THSD7B: variants seen among roughly 807,000 people sequenced by gnomAD.
THSD7B encodes thrombospondin type-1 domain-containing protein 7B.
THSD7B carries 138 observed loss-of-function variants against 213.6 expected under a neutral mutation model. That is an observed-to-expected ratio of 0.65 (90% CI 0.56 to 0.74). The LOEUF is 0.74. THSD7B is among the 30% of genes least tolerant of loss of function. The pLI, the probability that THSD7B is intolerant of heterozygous loss-of-function variation, is 0.00. For synonymous variants in THSD7B, 742 were observed against 687.0 expected (o/e 1.08, Z -1.25); for missense variants, 1,931 against 1,991.5 (o/e 0.97, Z 0.58).
chr2:137,152,262 C>A (rs116297258), intron 5 of THSD7B, among the ~76,000 whole-genome samples: 1,599 of 152,164 alleles, frequency 0.011, 16 homozygotes, highest in Non-Finnish European at 0.016. Flanking sequence ...TAAGGTTTAG[C>A]TTGTACTGGT....
At chr2:136,800,618 T>C (rs77629340) in intron 1 of THSD7B, among the ~76,000 whole-genome samples, 5,556 of 152,100 alleles carry the variant, frequency 0.037, 322 homozygotes, top group African/African-American at 0.12. Flanking sequence ...CCTACTAAAA[T>C]TGTTGTATTT....
At chr2:136,933,794 T>C (rs1684673045) in intron 2 of THSD7B, among the ~76,000 whole-genome samples, 1 of 152,206 alleles carries the variant, frequency 6.6e-6, no homozygotes, top group Non-Finnish European at 1.5e-5. Flanking sequence ...AATGCTTAAT[T>C]GTATTAATCT....
At chr2:137,146,691 T>G (rs1246430690) in intron 5 of THSD7B, among the ~76,000 whole-genome samples, 3 of 152,140 alleles carry the variant, frequency 2.0e-5, no homozygotes, top group African/African-American at 7.2e-5. Context: ...TAGTACTTAT[T>G]ATACATAAAG....
At chr2:137,646,997 T>G (rs1683045256) in intron 21 of THSD7B, among the ~76,000 whole-genome samples, 1 of 152,186 alleles carries the variant, frequency 6.6e-6, no homozygotes. Context: ...AGAAGCTTTA[T>G]GAGCAGCCAT....
chr2:137,261,795 A>G (rs1476866588), intron 10 of THSD7B, among the ~76,000 whole-genome samples: 1 of 152,068 alleles, frequency 6.6e-6, no homozygotes, highest in East Asian at 1.9e-4. Flanking sequence ...CCACCTCCAA[A>G]ACAAAAATTT....
chr2:137,558,356 T>G (rs1174776473), intron 15 of THSD7B, among the ~76,000 whole-genome samples: 4 of 152,148 alleles, frequency 2.6e-5, no homozygotes, highest in African/African-American at 9.7e-5. Flanking sequence ...ATCAAAAAGC[T>G]TATCCACCAT....
intron 15 of THSD7B, among the ~76,000 whole-genome samples, chr2:137,522,471 T>C (rs1429292503): frequency 6.6e-6 from 1 of 152,192 alleles, no homozygotes; most frequent in East Asian, 1.9e-4. Flanking sequence ...AAGGAGGTGC[T>C]TGATGAATGT....
At chr2:137,647,845 C>T (rs1683065647) in intron 21 of THSD7B, among the ~76,000 whole-genome samples, 1 of 152,136 alleles carries the variant, frequency 6.6e-6, no homozygotes, top group African/African-American at 2.4e-5. Context: ...TAACACACTA[C>T]CTCATGTTAG....
chr2:136,813,027 A>T (rs1347860910), intron 1 of THSD7B, among the ~76,000 whole-genome samples: 3 of 152,214 alleles, frequency 2.0e-5, no homozygotes, highest in African/African-American at 7.2e-5. Flanking sequence ...TCTTCCAACT[A>T]TTACTGAATC....
At chr2:137,347,115 C>G (rs1256102692) in intron 12 of THSD7B, among the ~76,000 whole-genome samples, 1 of 151,718 alleles carries the variant, frequency 6.6e-6, no homozygotes, top group Non-Finnish European at 1.5e-5. Context: ...AACATACTTA[C>G]ATCTGTCCTT....
At chr2:137,556,507 C>A (rs1176307011) in intron 15 of THSD7B, among the ~76,000 whole-genome samples, 1 of 152,138 alleles carries the variant, frequency 6.6e-6, no homozygotes, top group Admixed American at 6.5e-5. Flanking sequence ...GATTTTGTCA[C>A]CACCAGGCCT....
intron 10 of THSD7B, among the ~76,000 whole-genome samples, chr2:137,264,778 T>C (rs1233953570): frequency 6.6e-6 from 1 of 151,952 alleles, no homozygotes; most frequent in Non-Finnish European, 1.5e-5. Flanking sequence ...AACAGGTTTG[T>C]TGAGGGACGC....
intron 2 of THSD7B, among the ~76,000 whole-genome samples, chr2:136,977,362 T>C (rs530470795): frequency 6.6e-6 from 1 of 152,238 alleles, no homozygotes; most frequent in African/African-American, 2.4e-5. Context: ...CAGTCTATTC[T>C]TTTTTATTAG....
At chr2:137,410,667 G>A (rs978175201) in intron 13 of THSD7B, among the ~76,000 whole-genome samples, 2 of 152,046 alleles carry the variant, frequency 1.3e-5, no homozygotes, top group African/African-American at 4.8e-5. Context: ...CAAACCATGT[G>A]GCAATGAGAA....
chr2:137,061,211 A>G lies in THSD7B; in HGVS notation c.950+3981A>G, dbSNP rs1687263803. Among the ~76,000 whole-genome samples the G allele has an allele frequency of 2.0e-5, 3 of 151,736 alleles. 1 individual carries two copies. In the South Asian group the frequency reaches 6.2e-4, roughly 31 times the overall value. The stretch of plus-strand genomic sequence containing the variant: ...TAACCTTGCATCCTGCAACTTTGTT[A>G]TAGTCACTTATTATCCAGAGATTTT... On this transcript the variant is annotated intron_variant, in intron 3 of 27. Transcript: ENST00000409968.
chr2:137,170,613 C>A, intron 6 of THSD7B, 128 bp from the exon 7 acceptor site: 1 of 808,894 alleles, frequency 1.2e-6, no homozygotes, highest in Non-Finnish European at 1.9e-6. Context: ...GAATAAAACA[C>A]ATCAAGATAA....
At chr2:137,313,695 C>T (rs920722765) in intron 12 of THSD7B, among the ~76,000 whole-genome samples, 8 of 151,660 alleles carry the variant, frequency 5.3e-5, no homozygotes, top group South Asian at 2.1e-4. Context: ...CTTTTAGAGC[C>T]GGCCTGGTGG....
At chr2:137,498,602 T>C (rs1212267753) in intron 15 of THSD7B, among the ~76,000 whole-genome samples, 4 of 152,134 alleles carry the variant, frequency 2.6e-5, no homozygotes, top group Admixed American at 2.0e-4. Flanking sequence ...TTTTTTTTTA[T>C]TGTTGAAGAG....
intron 15 of THSD7B, among the ~76,000 whole-genome samples, chr2:137,523,953 ATTT>A (rs1329322394): frequency 1.3e-5 from 2 of 152,190 alleles, no homozygotes; most frequent in African/African-American, 4.8e-5. Flanking sequence ...CAGTGAGGGG[ATTT>A]AATTTTATAT....
Sources: allele counts gnomAD v4.1 joint callset (sites outside exome capture counted in the v4.1 genomes callset), GRCh38; gene constraint gnomAD v4.1.1; transcripts MANE v1.5; gene names NCBI Gene and HGNC (gene_info 2026-07-23, HGNC 2026-07-21).